SORCS1: variants seen among roughly 807,000 people sequenced by gnomAD.
The protein encoded by SORCS1 is sortilin related VPS10 domain containing receptor 1.
Under a neutral mutation model 146.1 loss-of-function variants are expected in SORCS1, and 60 were observed. That is an observed-to-expected ratio of 0.41 (90% confidence interval 0.33 to 0.51). The LOEUF is 0.51. SORCS1 is among the 20% of genes least tolerant of loss of function. The probability of loss-of-function intolerance (pLI) is 0.21; values close to 1 mark genes in which losing one functional copy is unlikely to be tolerated. For missense variants in SORCS1, 1,352 were observed against 1,487.6 expected (o/e 0.91, Z 1.50); for synonymous variants, 637 against 584.0 (o/e 1.09, Z -1.31).
At chr10:107,098,858 T>A (rs1964723742) in intron 1 of SORCS1, among the ~76,000 whole-genome samples, 2 of 152,152 alleles carry the variant, frequency 1.3e-5, no homozygotes, top group African/African-American at 4.8e-5. Flanking sequence ...AACCATAACT[T>A]AGAGGTGTTA....
Position 107,154,008 on chromosome 10 carries a change from C to CTTTTTTTTTTTTT in SORCS1, c.558+9948_558+9960dup, listed in dbSNP as rs71025579. 1.2e-3 allele frequency among the ~76,000 whole-genome samples: 112 copies of CTTTTTTTTTTTTT among 94,028 alleles called. 1 individual carries two copies. The highest frequency in any genetic ancestry group is 1.4e-3 in the African/African-American group (35 of 24,706). 61.7% of individuals were successfully genotyped at this position (94,028 alleles called of 152,430 possible). Reference sequence around the variant, plus strand: ...ATTTCCAGTATATTTCTTTTCTTTTCTTTTTTTTTTTTTTTTTTTTTGAGA... The same window carrying CTTTTTTTTTTTTT: ...ATTTCCAGTATATTTCTTTTCTTTTCTTTTTTTTTTTTTTTTTTTTTTTTTTTTTTTTTTGAGA... On this transcript the variant is annotated intron_variant, in intron 1 of 25. Coordinates refer to ENST00000263054, the MANE Select transcript of SORCS1 (RefSeq NM_052918.5).
At chr10:107,020,962 C>CT (rs914271679) in intron 1 of SORCS1, among the ~76,000 whole-genome samples, 60 of 150,908 alleles carry the variant, frequency 4.0e-4, no homozygotes, top group African/African-American at 6.8e-4. Context: ...ACTTTCTCCA[C>CT]TTTTTTTTTA....
chr10:106,671,114 A>G lies in SORCS1; in HGVS notation c.2189+123T>C. ...CTAGTAAACTATGAGGTAATTTTAT[A>G]AGAATATGAAGCTGGCCACTTAGCC... On this transcript the variant is annotated intron_variant, in intron 16 of 25. Transcript: ENST00000263054. 3 of 1,311,026 alleles carry G rather than the reference A, an allele frequency of 2.3e-6. No individual in the cohort carries two copies. The South Asian group carries it at 4.4e-5, about 19-fold the overall frequency. 81.2% of individuals were successfully genotyped at this position (1,311,026 alleles called of 1,614,324 possible).
At chr10:107,122,591 T>G (rs1966469047) in intron 1 of SORCS1, among the ~76,000 whole-genome samples, 1 of 152,350 alleles carries the variant, frequency 6.6e-6, no homozygotes, top group Non-Finnish European at 1.5e-5. Flanking sequence ...TTTTTATGGA[T>G]AAAATAGCTT....
chr10:106,701,568 C>T (rs1474707275), intron 8 of SORCS1, among the ~76,000 whole-genome samples: 3 of 152,130 alleles, frequency 2.0e-5, no homozygotes, highest in Non-Finnish European at 2.9e-5. Flanking sequence ...AAGGATGAAA[C>T]CAATCCTGAT....
At chr10:107,109,441 A>G (rs1009836777) in intron 1 of SORCS1, among the ~76,000 whole-genome samples, 2 of 152,158 alleles carry the variant, frequency 1.3e-5, no homozygotes, top group African/African-American at 4.8e-5. Flanking sequence ...GCACCCTTTG[A>G]AGCAGTAGCC....
chr10:106,601,757 C>T (rs913132370), intron 23 of SORCS1, among the ~76,000 whole-genome samples: 1 of 152,222 alleles, frequency 6.6e-6, no homozygotes, highest in Non-Finnish European at 1.5e-5. Context: ...GCGGCCATCA[C>T]AAGCATTTCC....
intron 23 of SORCS1, among the ~76,000 whole-genome samples, chr10:106,603,122 A>T (rs761945147): frequency 6.6e-6 from 1 of 152,202 alleles, no homozygotes; most frequent in Non-Finnish European, 1.5e-5. Context: ...CCAGCACAGC[A>T]TCACAAACAA....
chr10:106,753,958 T>G (rs1487411878), intron 5 of SORCS1, among the ~76,000 whole-genome samples: 1 of 152,192 alleles, frequency 6.6e-6, no homozygotes, highest in Admixed American at 6.5e-5. Context: ...TATATAAGAT[T>G]GTGTTTATTT....
chr10:106,889,615 A>G (rs1951143373), intron 2 of SORCS1, among the ~76,000 whole-genome samples: 1 of 151,362 alleles, frequency 6.6e-6, no homozygotes, highest in East Asian at 1.9e-4. Context: ...ATACAAAAAA[A>G]TTAGCCGGGC....
intron 1 of SORCS1, among the ~76,000 whole-genome samples, chr10:107,005,644 T>G (rs1235120239): frequency 1.3e-5 from 2 of 152,156 alleles, no homozygotes; most frequent in Non-Finnish European, 2.9e-5. Context: ...TCTGCACAAT[T>G]TATTTTCCTT....
chr10:107,173,126 A>G, the SORCS1 span, among the ~76,000 whole-genome samples: 4 of 152,160 alleles, frequency 2.6e-5, no homozygotes, highest in Non-Finnish European at 4.4e-5. Flanking sequence ...CCACTCTGAC[A>G]AAAGTAATAC....
At chr10:107,140,345 C>A (rs1158991717) in intron 1 of SORCS1, among the ~76,000 whole-genome samples, 2 of 152,164 alleles carry the variant, frequency 1.3e-5, no homozygotes, top group Admixed American at 1.3e-4. Flanking sequence ...TGTTAAAATT[C>A]AAACTTCTAA....
At position 106,574,344 on chromosome 10, in the gene SORCS1, A is replaced by G. The variant is rs2133166601; in HGVS notation, c.*3076T>C. On this transcript the variant is annotated 3_prime_UTR_variant, in exon 26 of 26. Transcript: ENST00000263054. Reference sequence around the variant, plus strand: ...AGTATCGGATTTTTAGCTTGCCCTGAATCTTACCTTCCACATACATCCCTC... The same window carrying G: ...AGTATCGGATTTTTAGCTTGCCCTGGATCTTACCTTCCACATACATCCCTC... The G allele has an allele frequency of 6.5e-6, 1 of 152,692 alleles. No homozygotes were observed. The highest frequency in any genetic ancestry group is 1.9e-4 in the East Asian group (1 of 5,182). The allele number at this position is 152,692 out of a possible 1,614,324, so 9.5% of individuals were successfully genotyped here.
At chr10:106,623,306 G>A (rs563702199) in intron 19 of SORCS1, among the ~76,000 whole-genome samples, 2 of 148,722 alleles carry the variant, frequency 1.3e-5, no homozygotes, top group Non-Finnish European at 3.0e-5. Context: ...GCAGCGGCAC[G>A]ATCTCGGAGC....
intron 3 of SORCS1, among the ~76,000 whole-genome samples, chr10:106,782,232 C>G (rs541800521): frequency 5.3e-5 from 8 of 152,234 alleles, no homozygotes; most frequent in Admixed American, 3.3e-4. Flanking sequence ...TAATGAGGAT[C>G]CACAGACTCA....
intron 24 of SORCS1, among the ~76,000 whole-genome samples, chr10:106,581,553 T>C (rs1183413855): frequency 6.6e-6 from 1 of 152,054 alleles, no homozygotes; most frequent in East Asian, 1.9e-4. Flanking sequence ...TATACATATA[T>C]GCATATGTGT....
intron 3 of SORCS1, among the ~76,000 whole-genome samples, chr10:106,791,706 CA>C (rs1946330277): frequency 6.6e-6 from 1 of 151,774 alleles, no homozygotes; most frequent in Admixed American, 6.6e-5. Context: ...TCGACAAAAA[CA>C]AAAAAAGAAT....
intron 2 of SORCS1, among the ~76,000 whole-genome samples, chr10:106,848,848 T>A: frequency 1.4e-5 from 2 of 143,644 alleles, no homozygotes; most frequent in African/African-American, 5.2e-5. Context: ...CTTATGAAGC[T>A]TAGTTTGGCT....
Sources: allele counts gnomAD v4.1 joint callset (sites outside exome capture counted in the v4.1 genomes callset), GRCh38; gene constraint gnomAD v4.1.1; transcripts MANE v1.5; gene names NCBI Gene and HGNC (gene_info 2026-07-23, HGNC 2026-07-21).